ZFHX3: variants seen among roughly 807,000 people sequenced by gnomAD.
ZFHX3 encodes zinc finger homeobox 3.
Under a neutral mutation model 279.1 loss-of-function variants are expected in ZFHX3, and 42 were observed. That is an observed-to-expected ratio of 0.15 (90% CI 0.12 to 0.19). ZFHX3 has a LOEUF of 0.19. Ranked by LOEUF, ZFHX3 falls within the 10% of genes least tolerant of loss-of-function variation. The probability of loss-of-function intolerance (pLI) is 1.00; values close to 1 mark genes in which losing one functional copy is unlikely to be tolerated. For synonymous variants in ZFHX3, 2,293 were observed against 1,957.8 expected (o/e 1.17, Z -4.52); for missense variants, 4,981 against 4,754.0 (o/e 1.05, Z -1.40).
chr16:72,839,516 A>G (rs1002756177), intron 4 of ZFHX3, among the ~76,000 whole-genome samples: 28 of 152,194 alleles, frequency 1.8e-4, no homozygotes, highest in African/African-American at 5.1e-4. Flanking sequence ...CCATCTCGTT[A>G]AAAACAAAGG....
chr16:73,670,575 GT>G (rs2052894938), intron 2 of ZFHX3, among the ~76,000 whole-genome samples: 1 of 152,256 alleles, frequency 6.6e-6, no homozygotes, highest in East Asian at 1.9e-4. Context: ...TAAGACCTTG[GT>G]CTTCTAACCT....
intron 2 of ZFHX3, among the ~76,000 whole-genome samples, chr16:73,613,411 G>T (rs1259488893): frequency 6.7e-6 from 1 of 149,864 alleles, no homozygotes; most frequent in Non-Finnish European, 1.5e-5. Flanking sequence ...TTTACAGAAG[G>T]AAAATCAAAA....
chr16:73,409,041 G>A (rs1333538333), intron 3 of ZFHX3, among the ~76,000 whole-genome samples: 1 of 152,154 alleles, frequency 6.6e-6, no homozygotes, highest in Non-Finnish European at 1.5e-5. Context: ...TCAATCCAGG[G>A]ATTCATTCAT....
intron 2 of ZFHX3, among the ~76,000 whole-genome samples, chr16:73,542,397 A>G (rs1045466036): frequency 3.9e-5 from 6 of 152,062 alleles, no homozygotes; most frequent in African/African-American, 1.4e-4. Flanking sequence ...TTATTTTTAT[A>G]CAACTGAGCT....
chr16:73,695,549 G>T (rs373317096), intron 1 of ZFHX3, among the ~76,000 whole-genome samples: 47 of 152,332 alleles, frequency 3.1e-4, no homozygotes, highest in African/African-American at 1.1e-3. Context: ...GTTTTCTGGC[G>T]TTGAGTCCAG....
chr16:73,853,500 A>G (rs1409461948), intron 1 of ZFHX3, among the ~76,000 whole-genome samples: 1 of 152,194 alleles, frequency 6.6e-6, no homozygotes, highest in Non-Finnish European at 1.5e-5. Context: ...ACAGAGCCAT[A>G]AAAAAGAATA....
At chr16:72,980,547 C>T (rs1293892083) in intron 1 of ZFHX3, among the ~76,000 whole-genome samples, 1 of 151,528 alleles carries the variant, frequency 6.6e-6, no homozygotes, top group Non-Finnish European at 1.5e-5. Context: ...TTGCTTGAGC[C>T]CAGGAGTCTG....
At chr16:73,385,001 T>C (rs1224932536) in intron 3 of ZFHX3, among the ~76,000 whole-genome samples, 1 of 152,076 alleles carries the variant, frequency 6.6e-6, no homozygotes, top group Admixed American at 6.5e-5. Flanking sequence ...GTTCTCTCTT[T>C]CCTAGAGCAT....
chr16:73,574,319 G>GGATACAAAAC (rs2051774977), intron 2 of ZFHX3, among the ~76,000 whole-genome samples: 2 of 150,376 alleles, frequency 1.3e-5, no homozygotes, highest in African/African-American at 2.5e-5. Context: ...TAACGGACCC[G>GGATACAAAAC]GGTGAAATTT....
intron 1 of ZFHX3, among the ~76,000 whole-genome samples, chr16:73,775,533 C>T (rs1474680241): frequency 6.6e-6 from 1 of 152,152 alleles, no homozygotes; most frequent in Non-Finnish European, 1.5e-5. Flanking sequence ...ATGCTATTTC[C>T]TTCACTACCT....
intron 5 of ZFHX3, among the ~76,000 whole-genome samples, chr16:73,166,674 T>C (rs1232164453): frequency 6.6e-6 from 1 of 152,204 alleles, no homozygotes; most frequent in African/African-American, 2.4e-5. Flanking sequence ...TCAAGGAGGA[T>C]GTTTTCTCCT....
chr16:73,652,989 T>C (rs1008686645), intron 2 of ZFHX3, among the ~76,000 whole-genome samples: 1 of 151,894 alleles, frequency 6.6e-6, no homozygotes, highest in African/African-American at 2.4e-5. Context: ...AAAAGACATA[T>C]CTACAAAATA....
At chr16:73,121,959 T>C (rs1405695561) in intron 7 of ZFHX3, among the ~76,000 whole-genome samples, 1 of 152,158 alleles carries the variant, frequency 6.6e-6, no homozygotes, top group Non-Finnish European at 1.5e-5. Flanking sequence ...AAAACTGCAA[T>C]TACTTTTGCT....
chr16:72,876,185 C>T (rs1485049636), intron 4 of ZFHX3, among the ~76,000 whole-genome samples: 3 of 152,114 alleles, frequency 2.0e-5, no homozygotes, highest in Non-Finnish European at 4.4e-5. Context: ...TCAAAATAAC[C>T]GGGTTCAAAT....
At chr16:73,669,459 T>C (rs1022661581) in intron 2 of ZFHX3, among the ~76,000 whole-genome samples, 2 of 152,236 alleles carry the variant, frequency 1.3e-5, no homozygotes, top group Non-Finnish European at 2.9e-5. Flanking sequence ...CACACCACCA[T>C]ATATTCCTGG....
At chr16:73,579,208 T>A (rs1286146900) in intron 2 of ZFHX3, among the ~76,000 whole-genome samples, 1 of 152,176 alleles carries the variant, frequency 6.6e-6, no homozygotes, top group Non-Finnish European at 1.5e-5. Flanking sequence ...CACCTATGAC[T>A]TGGAAGCCCT....
intron 1 of ZFHX3, among the ~76,000 whole-genome samples, chr16:73,690,114 A>C (rs1486290166): frequency 1.3e-5 from 2 of 152,114 alleles, no homozygotes; most frequent in Non-Finnish European, 1.5e-5. Flanking sequence ...ATGGGGTTTC[A>C]CCATGTTGGC....
chr16:73,045,640 CATT>C (rs10602067), intron 1 of ZFHX3, among the ~76,000 whole-genome samples: 30,891 of 142,800 alleles, frequency 0.22, 3,433 homozygotes, highest in Admixed American at 0.31. Context: ...CATGGATTTA[CATT>C]ATTATTATTA....
chr16:73,491,065 C>T (rs1374895423), intron 2 of ZFHX3, among the ~76,000 whole-genome samples: 1 of 152,042 alleles, frequency 6.6e-6, no homozygotes, highest in East Asian at 1.9e-4. Context: ...TCTTGGTCAC[C>T]CTGCTTTTTA....
Sources: gnomAD v4.1 joint callset for allele counts (sites outside exome capture counted in the v4.1 genomes callset) on GRCh38, gnomAD v4.1.1 for gene constraint, MANE v1.5 for transcripts, NCBI Gene and HGNC (gene_info 2026-07-23, HGNC 2026-07-21) for gene names.